Variants in GYPC observed in about 807,000 individuals in gnomAD.
The protein encoded by GYPC is glycophorin-C.
In GYPC, 14 loss-of-function variants were observed where a neutral mutation model predicts 12.6. The ratio of observed to expected loss-of-function variants is 1.11; its 90% CI spans 0.74 to 1.74. The LOEUF (loss-of-function observed/expected upper bound fraction) is 1.74, where lower values mean the gene tolerates loss of function less well. Among genes scored for constraint, GYPC ranks in the 40% most tolerant of loss-of-function variants. GYPC has a pLI of 0.00. For missense variants in GYPC, 225 were observed against 172.1 expected, an observed-to-expected ratio of 1.31 and a Z score of -1.72; for synonymous variants, 78 against 62.1, an observed-to-expected ratio of 1.26 and a Z score of -1.20.
Position 126,660,628 on chromosome 2 carries a change from AG to A in GYPC, c.49+4320del, listed in dbSNP as rs1247420867. Among the ~76,000 whole-genome samples, 7 of 152,236 alleles carry A rather than the reference AG, an allele frequency of 4.6e-5. No individual in the cohort carries two copies. The East Asian group carries it at 1.4e-3, about 29-fold the overall frequency. On this transcript the variant is annotated intron_variant, in intron 1 of 3. Transcript: ENST00000259254. ...CCCCCACTCAGGGCCTGTCACAGAC[AG>A]GGGTTTGCTGAGCCACTTTGAGGCA...
At chr2:126,662,847 T>C (rs1157591874) in intron 1 of GYPC, among the ~76,000 whole-genome samples, 1 of 152,142 alleles carries the variant, frequency 6.6e-6, no homozygotes, top group Non-Finnish European at 1.5e-5. Flanking sequence ...ACTGAGTGTG[T>C]GCGTGTGTGC....
chr2:126,679,319 T>G (rs1417621310), intron 1 of GYPC, among the ~76,000 whole-genome samples: 1 of 152,172 alleles, frequency 6.6e-6, no homozygotes, highest in East Asian at 1.9e-4. Context: ...TACAAAGGTC[T>G]GGTGCACACC....
chr2:126,683,729 C>CTT (rs1004892665), intron 1 of GYPC, among the ~76,000 whole-genome samples: 2 of 152,226 alleles, frequency 1.3e-5, no homozygotes, highest in Non-Finnish European at 2.9e-5. Context: ...GGCAGCCTCA[C>CTT]TTTCTTTCCA....
rs149740547 is a variant in GYPC, at chr2:126,684,216, G to A, written c.50-6039G>A. Among the ~76,000 whole-genome samples, 13 of 152,288 alleles carry A rather than the reference G, an allele frequency of 8.5e-5. No individual in the cohort carries two copies. In the East Asian group the frequency reaches 1.2e-3, roughly 14 times the overall value. ...TTTTGACCTTGAGACTTTCAGACAC[G>A]TTCTGAACAGGCTGGTCAAGTTCAC... On this transcript the variant is annotated intron_variant, in intron 1 of 3. Transcript: ENST00000259254.
intron 1 of GYPC, among the ~76,000 whole-genome samples, chr2:126,681,445 C>T (rs989428138): frequency 1.3e-5 from 2 of 152,124 alleles, no homozygotes; most frequent in South Asian, 2.1e-4. Context: ...TCTACTTTCC[C>T]GAGCACGGAC....
intron 1 of GYPC, chr2:126,686,178 G>A: frequency 1.0e-6 from 1 of 985,444 alleles, no homozygotes; most frequent in South Asian, 4.7e-5. Context: ...GGTGGCAACA[G>A]AGGAGTGTGA....
chr2:126,656,250 G>A lies in GYPC; in HGVS notation c.-14G>A. 6.2e-7 allele frequency: 1 copy of A among 1,600,248 alleles called. No homozygotes were observed. The highest frequency in any genetic ancestry group is 8.5e-7 in the Non-Finnish European group (1 of 1,175,322). ...GCCAGTCCCCGCGGTCTCTGCCCGG[G>A]CTGACGCCCAGGAATGTGGTCGACG... On this transcript the variant is annotated 5_prime_UTR_variant, in exon 1 of 4. Transcript: ENST00000259254.
chr2:126,670,975 T>C (rs1283489115), intron 1 of GYPC, among the ~76,000 whole-genome samples: 2 of 152,156 alleles, frequency 1.3e-5, no homozygotes, highest in African/African-American at 4.8e-5. Flanking sequence ...GACTCCTGAC[T>C]TTAACCAACA....
intron 1 of GYPC, among the ~76,000 whole-genome samples, chr2:126,689,922 C>T (rs1188490015): frequency 1.3e-5 from 2 of 152,228 alleles, no homozygotes; most frequent in Non-Finnish European, 2.9e-5. Flanking sequence ...ACAAGAGTCC[C>T]TGCCTTCATA....
chr2:126,687,459 T>C (rs922209894), intron 1 of GYPC, among the ~76,000 whole-genome samples: 1 of 152,224 alleles, frequency 6.6e-6, no homozygotes, highest in Non-Finnish European at 1.5e-5. Flanking sequence ...TGAGAATTGC[T>C]GTCTCACAGC....
chr2:126,691,390 G>T (rs1017646428), intron 2 of GYPC, among the ~76,000 whole-genome samples: 60 of 152,116 alleles, frequency 3.9e-4, no homozygotes, highest in African/African-American at 1.3e-3. Flanking sequence ...AGGGGTGACT[G>T]CCCCTCGCAC....
chr2:126,663,243 G>A (rs149538995), intron 1 of GYPC, among the ~76,000 whole-genome samples: 3,826 of 151,938 alleles, frequency 0.025, 68 homozygotes, highest in Middle Eastern at 0.044. Flanking sequence ...TCACCTTGTT[G>A]GCCAGGATTG....
Position 126,692,103 on chromosome 2 carries a change from A to G in GYPC, c.107-1761A>G, listed in dbSNP as rs748627443. ...TGCACTTGTTCACTCTATATAATAA[A>G]GTCTAGCACCCACTTGAACTTGCTA... On this transcript the variant is annotated intron_variant, in intron 2 of 3. Transcript: ENST00000259254. Among the ~76,000 whole-genome samples, 4 of 152,126 alleles carry G rather than the reference A, an allele frequency of 2.6e-5. 1 individual carries two copies.
chr2:126,668,453 T>C (rs1488954798), intron 1 of GYPC, among the ~76,000 whole-genome samples: 1 of 152,172 alleles, frequency 6.6e-6, no homozygotes, highest in Non-Finnish European at 1.5e-5. Context: ...GGCCTGGATC[T>C]CAGATGATCC....
Position 126,696,046 on chromosome 2 carries a change from G to A in GYPC, c.291G>A (p.Lys97=). 1 of 1,614,164 alleles carries A rather than the reference G, an allele frequency of 6.2e-7. No individual in the cohort carries two copies. The highest frequency in any genetic ancestry group is 1.3e-5 in the African/African-American group (1 of 75,066). The change falls in exon 4 of 4, where the codon AAG becomes AAA. Residue 97 remains lysine (K), a synonymous_variant. Coordinates refer to ENST00000259254, the MANE Select transcript of GYPC (RefSeq NM_002101.5). ...GCACGTACCACACCAATGAGGCCAA[G>A]GGCACGGAGTTTGCTGAGAGTGCAG... ...HKGTYHTNEA[K]GTEFAESADA... is the part of the protein sequence containing the mutation.
chr2:126,668,266 G>C (rs987803698), intron 1 of GYPC, among the ~76,000 whole-genome samples: 1 of 152,230 alleles, frequency 6.6e-6, no homozygotes, highest in African/African-American at 2.4e-5. Flanking sequence ...ATACATAAGA[G>C]ATAAAAGTCC....
At chr2:126,659,383 A>T (rs545035130) in intron 1 of GYPC, among the ~76,000 whole-genome samples, 1 of 152,336 alleles carries the variant, frequency 6.6e-6, no homozygotes, top group African/African-American at 2.4e-5. Flanking sequence ...GGCCAGAGCA[A>T]CATCCGTGCT....
chr2:126,658,478 T>C (rs528325011), intron 1 of GYPC: 1 of 152,366 alleles, frequency 6.6e-6, no homozygotes, highest in Admixed American at 6.5e-5. Context: ...TCAGTTTGCC[T>C]CTTCAGGTGG....
chr2:126,672,600 G>T (rs1271304265), intron 1 of GYPC, among the ~76,000 whole-genome samples: 3 of 152,196 alleles, frequency 2.0e-5, no homozygotes, highest in African/African-American at 7.2e-5. Context: ...GGGAGAATGT[G>T]CATGGACCCC....
Sources: gnomAD v4.1 joint callset for allele counts (sites outside exome capture counted in the v4.1 genomes callset) on GRCh38, gnomAD v4.1.1 for gene constraint, MANE v1.5 for transcripts, NCBI Gene and HGNC (gene_info 2026-07-23, HGNC 2026-07-21) for gene names.